EXT1: variants seen among roughly 807,000 people sequenced by gnomAD.
EXT1 encodes the protein exostosin glycosyltransferase 1, also known as exostosin-1.
Under a neutral mutation model 82.5 loss-of-function variants are expected in EXT1, and 20 were observed. The ratio of observed to expected loss-of-function variants is 0.24; its 90% confidence interval spans 0.17 to 0.35. The LOEUF (loss-of-function observed/expected upper bound fraction) is 0.35, where lower values mean the gene tolerates loss of function less well. EXT1 is among the 10% of genes least tolerant of loss of function. The pLI is 1.00. For synonymous variants in EXT1, 348 were observed against 350.8 expected (o/e 0.99, Z 0.09); for missense variants, 757 against 936.5 (o/e 0.81, Z 2.50).
intron 7 of EXT1, among the ~76,000 whole-genome samples, chr8:117,817,844 G>T (rs1488148822): frequency 1.3e-5 from 2 of 152,234 alleles, no homozygotes; most frequent in Non-Finnish European, 2.9e-5. Context: ...TGGAGAAAAA[G>T]GCCGGGAGAT....
At chr8:117,947,739 A>C (rs1268128777) in intron 1 of EXT1, among the ~76,000 whole-genome samples, 1 of 152,216 alleles carries the variant, frequency 6.6e-6, no homozygotes, top group East Asian at 1.9e-4. Context: ...CTTAATTCTT[A>C]AAGAGCTCAA....
intron 1 of EXT1, among the ~76,000 whole-genome samples, chr8:117,846,145 T>C (rs940947797): frequency 1.1e-4 from 16 of 152,164 alleles, no homozygotes; most frequent in Non-Finnish European, 1.5e-4. Flanking sequence ...TCTTGCTCTG[T>C]TGCTCAGGCT....
At chr8:117,982,125 G>A (rs996042948) in intron 1 of EXT1, among the ~76,000 whole-genome samples, 40 of 152,186 alleles carry the variant, frequency 2.6e-4, no homozygotes, top group African/African-American at 9.4e-4. Flanking sequence ...TGGGGACATA[G>A]TGTGGCTGCT....
chr8:118,038,956 T>C (rs1200005400), intron 1 of EXT1, among the ~76,000 whole-genome samples: 2 of 152,322 alleles, frequency 1.3e-5, no homozygotes, highest in Non-Finnish European at 2.9e-5. Flanking sequence ...TAGAACTTAC[T>C]ATGGTCTGAA....
chr8:118,087,580 A>G (rs1168927468), intron 1 of EXT1, among the ~76,000 whole-genome samples: 1 of 152,202 alleles, frequency 6.6e-6, no homozygotes, highest in Admixed American at 6.5e-5. Context: ...AAAAAATCAT[A>G]AAGTTATGCC....
chr8:117,888,776 C>T (rs1813193387), intron 1 of EXT1, among the ~76,000 whole-genome samples: 1 of 152,194 alleles, frequency 6.6e-6, no homozygotes, highest in Admixed American at 6.5e-5. Context: ...TCTCCAGCCC[C>T]TGCTATCATC....
chr8:118,027,547 G>T (rs1382531211), intron 1 of EXT1, among the ~76,000 whole-genome samples: 4 of 152,250 alleles, frequency 2.6e-5, no homozygotes, highest in Admixed American at 2.0e-4. Context: ...CTCAGTATCA[G>T]CTTACATAAA....
chr8:118,084,729 T>G (rs1817388267), intron 1 of EXT1, among the ~76,000 whole-genome samples: 1 of 152,234 alleles, frequency 6.6e-6, no homozygotes, highest in African/African-American at 2.4e-5. Flanking sequence ...GCCCAGTTCA[T>G]GCGGTGTTCA....
intron 1 of EXT1, among the ~76,000 whole-genome samples, chr8:118,044,319 G>A (rs1054474549): frequency 3.3e-5 from 5 of 152,134 alleles, no homozygotes; most frequent in African/African-American, 1.2e-4. Flanking sequence ...AACCAGAACT[G>A]CTGCCCCCAT....
intron 1 of EXT1, among the ~76,000 whole-genome samples, chr8:117,938,169 T>C (rs1814203294): frequency 6.6e-6 from 1 of 152,068 alleles, no homozygotes; most frequent in Non-Finnish European, 1.5e-5. Flanking sequence ...TGACTTCCAT[T>C]TAATTAAACA....
chr8:117,807,455 A>C, intron 8 of EXT1, 78 bp from the exon 9 acceptor site: 1 of 1,519,090 alleles, frequency 6.6e-7, no homozygotes, highest in Non-Finnish European at 9.1e-7. Context: ...CTCCCCACTA[A>C]TTCATAATGC....
intron 1 of EXT1, among the ~76,000 whole-genome samples, chr8:118,087,731 A>G (rs1281248247): frequency 6.6e-6 from 1 of 152,206 alleles, no homozygotes; most frequent in Non-Finnish European, 1.5e-5. Flanking sequence ...GTAATTGGGA[A>G]GCATTTGTTC....
At chr8:117,800,604 A>C (rs886105800) in intron 10 of EXT1, among the ~76,000 whole-genome samples, 17 of 152,194 alleles carry the variant, frequency 1.1e-4, no homozygotes, top group Non-Finnish European at 2.2e-4. Flanking sequence ...CTAACTTTAT[A>C]CTAAAATCTC....
chr8:117,914,496 T>G (rs1417325721), intron 1 of EXT1, among the ~76,000 whole-genome samples: 1 of 152,152 alleles, frequency 6.6e-6, no homozygotes, highest in African/African-American at 2.4e-5. Context: ...AGAGCCATAT[T>G]TTTCTCTTTG....
In EXT1 at chr8:117,795,051, C is replaced by G. The variant is rs1823071252; in HGVS notation, c.*4661G>C. 1 of 152,148 alleles carries G rather than the reference C, an allele frequency of 6.6e-6. No homozygotes were observed. Among genetic ancestry groups the G allele is most frequent in the African/African-American group, 2.4e-5 (1 of 41,412 alleles). The allele number at this position is 152,148 out of a possible 1,614,324, so 9.4% of individuals were successfully genotyped here. ...GTAGGAGAAGAACAGAAAACTATTG[C>G]AGAAATCAAATGGCCTGAGGCCTAA... is the stretch of plus-strand genomic sequence containing the variant. On this transcript the variant is annotated 3_prime_UTR_variant, in exon 11 of 11. Transcript: ENST00000378204.
intron 1 of EXT1, among the ~76,000 whole-genome samples, chr8:117,875,745 G>C (rs1018093068): frequency 6.6e-6 from 1 of 152,118 alleles, no homozygotes. Flanking sequence ...AAAAAGGACA[G>C]AGAAGAATAT....
rs563479523 is a variant in EXT1 at position 117,818,574 on chromosome 8, T to G, written c.1537-44A>C. On this transcript the variant is annotated intron_variant, in intron 6 of 10. Transcript: ENST00000378204. The stretch of plus-strand genomic sequence containing the variant: ...ATTAGATGGCTGGGGTAGGATGTAT[T>G]TATGTATGCCTCCAACCCAAAGCCT... 19 of 1,450,764 alleles carry G rather than the reference T, an allele frequency of 1.3e-5. No homozygotes were observed. In the African/African-American group the frequency reaches 1.5e-4, roughly 12 times the overall value. The allele number at this position is 1,450,764 out of a possible 1,614,324, so 89.9% of individuals were successfully genotyped here. A position where few individuals can be genotyped will look rare whatever the true frequency, so the allele number is the denominator to read the frequency against.
chr8:117,834,225 A>G (rs1812147762), intron 3 of EXT1, among the ~76,000 whole-genome samples: 1 of 152,118 alleles, frequency 6.6e-6, no homozygotes, highest in South Asian at 2.1e-4. Context: ...AGTTACAGTT[A>G]GTTCATTTGT....
At chr8:117,929,118 T>A (rs1198151667) in intron 1 of EXT1, among the ~76,000 whole-genome samples, 1 of 152,190 alleles carries the variant, frequency 6.6e-6, no homozygotes, top group Admixed American at 6.5e-5. Flanking sequence ...TTCATACATG[T>A]ACAGTGCATG....
Sources: allele counts gnomAD v4.1 joint callset (sites outside exome capture counted in the v4.1 genomes callset), GRCh38; gene constraint gnomAD v4.1.1; transcripts MANE v1.5; gene names NCBI Gene and HGNC (gene_info 2026-07-23, HGNC 2026-07-21).